FAM133B: variants seen among roughly 807,000 people sequenced by gnomAD.
FAM133B encodes the protein family with sequence similarity 133 member B.
A neutral mutation model predicts 46.4 loss-of-function variants in FAM133B; 25 were observed. That is an observed-to-expected ratio of 0.54 (90% CI 0.39 to 0.75). FAM133B has a LOEUF of 0.75. Among genes scored for constraint, FAM133B ranks in the 30% least tolerant of loss-of-function variants. The pLI, the probability that FAM133B is intolerant of heterozygous loss-of-function variation, is 0.00. For synonymous variants in FAM133B, 75 were observed against 86.0 expected (o/e 0.87, Z 0.71); for missense variants, 205 against 277.6 (o/e 0.74, Z 1.86).
intron 9 of FAM133B, among the ~76,000 whole-genome samples, chr7:92,568,452 G>A (rs1279142560): frequency 6.6e-6 from 1 of 151,904 alleles, no homozygotes; most frequent in Non-Finnish European, 1.5e-5. Context: ...CCGCCTCCCG[G>A]GTTCAAGTGA....
At chr7:92,579,543 G>A (rs1452655084) in intron 2 of FAM133B, 148 bp from the exon 3 acceptor site, 6 of 605,886 alleles carry the variant, frequency 9.9e-6, no homozygotes, top group Admixed American at 3.5e-5. Flanking sequence ...CTTTGTTCAC[G>A]TTTATAAAAA....
intron 2 of FAM133B, among the ~76,000 whole-genome samples, chr7:92,580,706 G>C (rs191323717): frequency 6.6e-6 from 1 of 152,150 alleles, no homozygotes; most frequent in Non-Finnish European, 1.5e-5. Flanking sequence ...GAGTCCCTAC[G>C]AGTTACTCAA....
intron 8 of FAM133B, 147 bp from the exon 9 acceptor site, chr7:92,570,062 T>C: frequency 2.5e-6 from 1 of 398,802 alleles, no homozygotes; most frequent in Non-Finnish European, 4.5e-6. Context: ...TACCAGGATT[T>C]AAGTCTTTAA....
intron 5 of FAM133B, 131 bp from the exon 6 acceptor site, chr7:92,577,848 T>C (rs1015168485): frequency 3.9e-6 from 3 of 766,440 alleles, no homozygotes; most frequent in African/African-American, 1.8e-5. Context: ...GTCATAAATA[T>C]GAAAATATAA....
chr7:92,566,678 T>G (rs554895910), intron 9 of FAM133B, among the ~76,000 whole-genome samples: 3 of 152,032 alleles, frequency 2.0e-5, no homozygotes, highest in African/African-American at 7.2e-5. Flanking sequence ...TGAAATGAGA[T>G]AGATTCCAAG....
intron 8 of FAM133B, among the ~76,000 whole-genome samples, chr7:92,571,179 C>A (rs1347805747): frequency 6.6e-6 from 1 of 152,198 alleles, no homozygotes; most frequent in Non-Finnish European, 1.5e-5. Context: ...AGCCTTCACA[C>A]AAATGATCAT....
chr7:92,572,490 T>C (rs1294019800), intron 8 of FAM133B, among the ~76,000 whole-genome samples: 1 of 152,094 alleles, frequency 6.6e-6, no homozygotes, highest in Non-Finnish European at 1.5e-5. Context: ...GAGGCTGAGG[T>C]GGGCGGATCA....
At chr7:92,579,261 G>A in intron 3 of FAM133B, 56 bp downstream of exon 3, 1 of 1,459,126 alleles carries the variant, frequency 6.9e-7, no homozygotes, top group Non-Finnish European at 9.4e-7. Context: ...TTATAGGTAT[G>A]AGCCACCATA....
At chr7:92,575,669 A>G (rs1794671007) in intron 8 of FAM133B, 102 bp downstream of exon 8, 1 of 522,192 alleles carries the variant, frequency 1.9e-6, no homozygotes, top group South Asian at 4.5e-5. Flanking sequence ...TTACAAAAAC[A>G]AAATAAATAT....
chr7:92,577,250 A>G (rs532797545), intron 6 of FAM133B, 55 bp from the exon 7 acceptor site: 29 of 1,211,076 alleles, frequency 2.4e-5, no homozygotes, highest in African/African-American at 1.9e-4. Context: ...TCTAATTTAC[A>G]CATTTATTAA....
chr7:92,569,214 T>G (rs1056634424), intron 9 of FAM133B, among the ~76,000 whole-genome samples: 3 of 152,184 alleles, frequency 2.0e-5, no homozygotes, highest in Non-Finnish European at 2.9e-5. Flanking sequence ...AGCTACAGTT[T>G]TAAAAATAAA....
At chr7:92,586,012 G>A (rs1795027187) in intron 1 of FAM133B, among the ~76,000 whole-genome samples, 1 of 152,112 alleles carries the variant, frequency 6.6e-6, no homozygotes, top group Admixed American at 6.5e-5. Flanking sequence ...AAGTTATCTA[G>A]CATGTATCTT....
intron 9 of FAM133B, among the ~76,000 whole-genome samples, 183 bp from the exon 10 acceptor site, chr7:92,566,244 G>T (rs1038112027): frequency 6.6e-6 from 1 of 152,106 alleles, no homozygotes; most frequent in Non-Finnish European, 1.5e-5. Flanking sequence ...AAACATAAAG[G>T]AAGGACAATT....
intron 8 of FAM133B, among the ~76,000 whole-genome samples, chr7:92,574,957 A>G (rs527720185): frequency 6.5e-4 from 99 of 152,074 alleles, no homozygotes; most frequent in African/African-American, 2.2e-3. Context: ...AACTAGTGAC[A>G]CTGGTCTGTA....
chr7:92,590,102 GTGCGCGGCGCACGCGCA>G (rs2116435685), intron 1 of FAM133B, 149 bp downstream of exon 1: 1 of 952,386 alleles, frequency 1.0e-6, no homozygotes, highest in Non-Finnish European at 1.6e-6. Context: ...CGCCAACTGC[GTGCGCGGCGCACGCGCA>G]TCTGGGATCG....
intron 7 of FAM133B, 139 bp from the exon 8 acceptor site, chr7:92,575,960 T>G (rs1161938298): frequency 7.4e-6 from 3 of 404,574 alleles, no homozygotes; most frequent in African/African-American, 2.0e-5. Flanking sequence ...TCCGAAAATT[T>G]AAGAGAAATA....
chr7:92,575,427 G>A (rs1256980771), intron 8 of FAM133B, among the ~76,000 whole-genome samples: 5 of 151,962 alleles, frequency 3.3e-5, no homozygotes, highest in South Asian at 4.1e-4. Flanking sequence ...GAGCTGAAAC[G>A]GCACCACTGT....
rs555935443 is a variant in FAM133B, at chr7:92,568,338, C to T, written c.609+1485G>A. On this transcript the variant is annotated intron_variant, in intron 9 of 10. Transcript: ENST00000445716. ...CTGCATTTTGTTTTTTCTTAAGATT[C>T]TATGTCTTCTGGTGTTACAGCATTG... 3.9e-5 allele frequency among the ~76,000 whole-genome samples: 6 copies of T among 152,082 alleles called. No homozygotes were observed. The South Asian group carries it at 1.2e-3, about 32-fold the overall frequency.
At chr7:92,569,631 T>C (rs959678222) in intron 9 of FAM133B, 192 bp downstream of exon 9, 10 of 330,464 alleles carry the variant, frequency 3.0e-5, no homozygotes, top group African/African-American at 1.5e-4. Context: ...CAGTTAATTA[T>C]AAAAAATAAT....
Sources: allele counts gnomAD v4.1 joint callset (sites outside exome capture counted in the v4.1 genomes callset), GRCh38; gene constraint gnomAD v4.1.1; transcripts MANE v1.5; gene names NCBI Gene and HGNC (gene_info 2026-07-23, HGNC 2026-07-21).